RGS9: variants seen among roughly 807,000 people sequenced by gnomAD.
RGS9 encodes regulator of G protein signaling 9.
RGS9 carries 78 observed loss-of-function variants against 102.0 expected under a neutral mutation model. The ratio of observed to expected loss-of-function variants is 0.76; its 90% CI spans 0.64 to 0.92. RGS9 has a LOEUF of 0.92. RGS9 is among the 40% of genes least tolerant of loss of function. The pLI, the probability that RGS9 is intolerant of heterozygous loss-of-function variation, is 0.00. For synonymous variants in RGS9, 353 were observed against 318.6 expected (o/e 1.11, Z -1.15); for missense variants, 833 against 866.1 (o/e 0.96, Z 0.48).
At chr17:65,181,189 T>G (rs929649677) in intron 9 of RGS9, among the ~76,000 whole-genome samples, 3 of 152,232 alleles carry the variant, frequency 2.0e-5, no homozygotes, top group Non-Finnish European at 4.4e-5. Flanking sequence ...GGGTCAATGG[T>G]AATTCTATTT....
At chr17:65,201,796 A>G (rs1423491240) in intron 13 of RGS9, among the ~76,000 whole-genome samples, 197 bp from the exon 14 acceptor site, 1 of 152,198 alleles carries the variant, frequency 6.6e-6, no homozygotes, top group African/African-American at 2.4e-5. Flanking sequence ...CGTAGAAGTG[A>G]AGATGTGGCT....
Position 65,227,349 on chromosome 17 carries a change from G to C in RGS9, c.1967G>C (p.Gly656Ala), listed in dbSNP as rs751634327. The C allele has an allele frequency of 6.2e-7, 1 of 1,614,264 alleles. No homozygotes were observed. Among genetic ancestry groups the C allele is most frequent in the South Asian group, 1.1e-5 (1 of 91,082 alleles). The change falls in exon 19 of 19, where the codon GGA becomes GCA. Residue 656 changes from glycine (G) to alanine (A), a missense_variant. By Grantham distance (60) the Gly-to-Ala change is moderately conservative. Around this residue, in one of 3 missense-constraint regions of RGS9, gnomAD observed 320 missense variants for 276.8 expected, o/e 1.16. Transcript: ENST00000262406. The part of the protein sequence containing the change: ...CLMDSEDAGT[G>A]ESGDRATEKE... ...ATGGACTCGGAGGATGCTGGAACAG[G>C]AGAGTCGGGTGACCGGGCCACAGAA...
chr17:65,196,207 T>A (rs1912579764), intron 12 of RGS9, among the ~76,000 whole-genome samples: 1 of 152,364 alleles, frequency 6.6e-6, no homozygotes, highest in Middle Eastern at 3.4e-3. Context: ...CATAGGACAA[T>A]GCTTTGTGAA....
chr17:65,200,701 A>G (rs1185649658), intron 13 of RGS9, among the ~76,000 whole-genome samples: 1 of 152,212 alleles, frequency 6.6e-6, no homozygotes, highest in African/African-American at 2.4e-5. Flanking sequence ...AAAAAAATGC[A>G]GTTGACCCTT....
chr17:65,201,863 G>T (rs59024552), intron 13 of RGS9, 130 bp from the exon 14 acceptor site: 2 of 692,566 alleles, frequency 2.9e-6, no homozygotes, highest in African/African-American at 1.8e-5. Context: ...CTTGTTCTGC[G>T]GCAGGAAAGG....
At chr17:65,220,282 A>C (rs1330018320) in intron 17 of RGS9, among the ~76,000 whole-genome samples, 2 of 152,218 alleles carry the variant, frequency 1.3e-5, no homozygotes, top group Non-Finnish European at 2.9e-5. Context: ...AGAATTTTGC[A>C]GTGCGGTCCT....
intron 9 of RGS9, among the ~76,000 whole-genome samples, chr17:65,183,061 A>AATCT (rs68149271): frequency 0.049 from 5,592 of 114,318 alleles, 135 homozygotes; most frequent in East Asian, 0.081. Flanking sequence ...AATTTTTTTA[A>AATCT]ATCTATCTAT....
chr17:65,167,641 A>C (rs935023856), intron 7 of RGS9, among the ~76,000 whole-genome samples: 1 of 152,196 alleles, frequency 6.6e-6, no homozygotes, highest in African/African-American at 2.4e-5. Context: ...TCACCATCCC[A>C]CAGGGGGTTG....
At chr17:65,167,364 G>A (rs190816004) in intron 7 of RGS9, among the ~76,000 whole-genome samples, 230 of 151,766 alleles carry the variant, frequency 1.5e-3, no homozygotes, top group Non-Finnish European at 2.7e-3. Context: ...ACCATGCCCG[G>A]AACATTTTTA....
chr17:65,206,676 C>CA (rs922032050), intron 15 of RGS9, among the ~76,000 whole-genome samples: 6 of 151,834 alleles, frequency 4.0e-5, no homozygotes, highest in Admixed American at 3.9e-4. Context: ...AACTCCGTCT[C>CA]AAAAAACAAA....
chr17:65,211,136 A>G (rs999808266), intron 17 of RGS9, among the ~76,000 whole-genome samples: 3 of 152,218 alleles, frequency 2.0e-5, no homozygotes, highest in African/African-American at 7.2e-5. Flanking sequence ...TGTTTAAAAT[A>G]GCTTTATGAA....
intron 17 of RGS9, among the ~76,000 whole-genome samples, chr17:65,215,489 G>GTTCGTTCTTTCTTTCTTTCTTTCT (rs1491517554): frequency 3.4e-5 from 4 of 116,130 alleles, no homozygotes; most frequent in African/African-American, 1.3e-4. Context: ...TCTTTCTTTC[G>GTTCGTTCTTTCTTTCTTTCTTTCT]TTCTTTCGTT....
At chr17:65,187,775 A>G (rs1203998302) in intron 9 of RGS9, among the ~76,000 whole-genome samples, 1 of 152,216 alleles carries the variant, frequency 6.6e-6, no homozygotes, top group African/African-American at 2.4e-5. Flanking sequence ...AGGCGGGCGG[A>G]TCACGAGGTC....
intron 7 of RGS9, among the ~76,000 whole-genome samples, chr17:65,165,164 G>T (rs1002274260): frequency 6.6e-6 from 1 of 152,036 alleles, no homozygotes; most frequent in African/African-American, 2.4e-5. Context: ...CAACCCACAG[G>T]ACTATGAACC....
chr17:65,164,683 A>T (rs1911110508), intron 7 of RGS9, among the ~76,000 whole-genome samples: 1 of 152,190 alleles, frequency 6.6e-6, no homozygotes, highest in Non-Finnish European at 1.5e-5. Context: ...AGGGGGGAAA[A>T]TATGTTCTTA....
chr17:65,140,970 C>T (rs931386886), intron 1 of RGS9, among the ~76,000 whole-genome samples: 1 of 152,106 alleles, frequency 6.6e-6, no homozygotes, highest in Non-Finnish European at 1.5e-5. Context: ...ACTCAGGATC[C>T]TCCTGTGCCC....
At chr17:65,185,006 G>A (rs989145317) in intron 9 of RGS9, among the ~76,000 whole-genome samples, 2 of 151,962 alleles carry the variant, frequency 1.3e-5, no homozygotes, top group Non-Finnish European at 2.9e-5. Flanking sequence ...TAGTTGCTGG[G>A]ACCACAGGCA....
At chr17:65,191,852 C>T (rs772683983) in intron 11 of RGS9, among the ~76,000 whole-genome samples, 17 of 152,206 alleles carry the variant, frequency 1.1e-4, no homozygotes, top group Non-Finnish European at 2.4e-4. Flanking sequence ...CAGTGCTTGT[C>T]TCTAAGGTAC....
intron 13 of RGS9, among the ~76,000 whole-genome samples, chr17:65,201,569 C>T (rs771521740): frequency 2.0e-5 from 3 of 152,140 alleles, no homozygotes; most frequent in Non-Finnish European, 4.4e-5. Flanking sequence ...TATTCATGTG[C>T]GAGCTCGTTC....
Sources: allele counts gnomAD v4.1 joint callset (sites outside exome capture counted in the v4.1 genomes callset), GRCh38; gene constraint gnomAD v4.1.1; regional missense constraint gnomAD v4.1.1; transcripts MANE v1.5; gene names NCBI Gene and HGNC (gene_info 2026-07-23, HGNC 2026-07-21).